The following HDAC4 variants were observed in gnomAD, a reference collection of about 807,000 sequenced individuals.
The protein encoded by HDAC4 is histone deacetylase A.
Under a neutral mutation model 135.1 loss-of-function variants are expected in HDAC4, and 16 were observed. The observed-to-expected ratio is 0.12, with a 90% CI of 0.08 to 0.18. HDAC4 has a LOEUF of 0.18. Among genes scored for constraint, HDAC4 ranks in the 10% least tolerant of loss-of-function variants. The probability of loss-of-function intolerance (pLI) is 1.00; values close to 1 mark genes in which losing one functional copy is unlikely to be tolerated. For synonymous variants in HDAC4, 685 were observed against 653.4 expected, an observed-to-expected ratio of 1.05 and a Z score of -0.74; for missense variants, 1,143 against 1,511.8, an observed-to-expected ratio of 0.76 and a Z score of 4.05.
At chr2:239,140,948 A>C (rs761636487) in intron 8 of HDAC4, 1 of 454,288 alleles carries the variant, frequency 2.2e-6, no homozygotes, top group Non-Finnish European at 4.6e-6. Context: ...GAGGATGAGG[A>C]GGGTGGGGGA....
intron 3 of HDAC4, among the ~76,000 whole-genome samples, chr2:239,201,759 C>T (rs1198055032): frequency 6.6e-6 from 1 of 152,244 alleles, no homozygotes. Flanking sequence ...ATTCCTGAAA[C>T]AGTATTTTCA....
chr2:239,096,376 C>G (rs549099061), intron 16 of HDAC4, among the ~76,000 whole-genome samples: 1 of 133,202 alleles, frequency 7.5e-6, no homozygotes, highest in Non-Finnish European at 1.6e-5. Context: ...TGCAACCCCC[C>G]CCGACACCTG....
At chr2:239,230,337 T>G (rs2047470527) in intron 3 of HDAC4, among the ~76,000 whole-genome samples, 1 of 137,438 alleles carries the variant, frequency 7.3e-6, no homozygotes, top group Non-Finnish European at 1.5e-5. Flanking sequence ...CACTTCATTT[T>G]ACCTCTAAAA....
intron 22 of HDAC4, among the ~76,000 whole-genome samples, chr2:239,076,961 C>T (rs1412523696): frequency 6.6e-6 from 1 of 152,164 alleles, no homozygotes; most frequent in Non-Finnish European, 1.5e-5. Flanking sequence ...TCAGCCCCTA[C>T]TCCCCTCAAT....
intron 15 of HDAC4, among the ~76,000 whole-genome samples, chr2:239,103,158 A>G (rs1180160136): frequency 6.6e-6 from 1 of 152,240 alleles, no homozygotes; most frequent in African/African-American, 2.4e-5. Context: ...CCTTCAATGC[A>G]TTACCCTTCA....
chr2:239,301,660 T>C (rs2052279777), intron 2 of HDAC4, among the ~76,000 whole-genome samples: 1 of 152,012 alleles, frequency 6.6e-6, no homozygotes, highest in South Asian at 2.1e-4. Flanking sequence ...TTTTTAATCT[T>C]TTCTGTAGAG....
intron 4 of HDAC4, among the ~76,000 whole-genome samples, chr2:239,188,602 C>T (rs1214974457): frequency 3.9e-5 from 6 of 152,206 alleles, no homozygotes; most frequent in Admixed American, 6.5e-5. Flanking sequence ...CCAACAGTTG[C>T]CACGAACCAC....
At chr2:239,106,026 C>A (rs1352635709) in intron 15 of HDAC4, among the ~76,000 whole-genome samples, 1 of 152,204 alleles carries the variant, frequency 6.6e-6, no homozygotes, top group African/African-American at 2.4e-5. Flanking sequence ...TGTCTCCCAG[C>A]CACCTGTCTT....
intron 9 of HDAC4, among the ~76,000 whole-genome samples, chr2:239,137,184 G>T (rs1378896492): frequency 6.6e-6 from 1 of 152,238 alleles, no homozygotes; most frequent in Non-Finnish European, 1.5e-5. Context: ...TGGTCCACCT[G>T]AGAAATCGCA....
At chr2:239,108,562 G>A (rs945213125) in intron 14 of HDAC4, among the ~76,000 whole-genome samples, 2 of 152,150 alleles carry the variant, frequency 1.3e-5, no homozygotes, top group Admixed American at 6.5e-5. Flanking sequence ...TGCTGGGGAG[G>A]ACGGTGCTGA....
At chr2:239,238,286 G>A (rs973616190) in intron 2 of HDAC4, among the ~76,000 whole-genome samples, 13 of 151,996 alleles carry the variant, frequency 8.6e-5, no homozygotes, top group African/African-American at 2.2e-4. Flanking sequence ...TAAAAAATTC[G>A]AAAAGGTGCC....
chr2:239,067,008 A>G lies in HDAC4; in HGVS notation c.2870-153T>C, dbSNP rs1174992782. ...GTTTCGTTTAATAAATTCGCTGAAG[A>G]GTTTCGGCTTTGGATTTCCTCTTTG... On this transcript the variant is annotated intron_variant, in intron 23 of 26. Coordinates refer to ENST00000543185, the MANE Select transcript of HDAC4 (RefSeq NM_001378414.1). 1.5e-5 allele frequency: 13 copies of G among 876,666 alleles called. No individual in the cohort carries two copies. In the East Asian group the frequency reaches 3.2e-4, roughly 22 times the overall value. 54.3% of individuals were successfully genotyped at this position (876,666 alleles called of 1,614,324 possible). A position where few individuals can be genotyped will look rare whatever the true frequency, so the allele number is the denominator to read the frequency against.
intron 1 of HDAC4, among the ~76,000 whole-genome samples, chr2:239,392,003 C>T (rs1278745795): frequency 1.3e-5 from 2 of 152,254 alleles, no homozygotes; most frequent in Non-Finnish European, 2.9e-5. Context: ...TGGTTGTGAA[C>T]TCCGAAGCCC....
rs1331015245 is a variant in HDAC4, at chr2:239,331,536, T to G, written c.22+21142A>C. Among the ~76,000 whole-genome samples the G allele has an allele frequency of 6.6e-6, 1 of 152,172 alleles. No homozygotes were observed. Among genetic ancestry groups the G allele is most frequent in the Non-Finnish European group, 1.5e-5 (1 of 68,040 alleles). ...GCAAGCCTGGAAAGCAAGCTGGGAC[T>G]CGTGAACTAAGCCGCCCAGATAGTG... is the stretch of plus-strand genomic sequence containing the variant. On this transcript the variant is annotated intron_variant, in intron 2 of 26. Coordinates refer to ENST00000543185, the MANE Select transcript of HDAC4 (RefSeq NM_001378414.1). The surrounding 1 kb of genome is among the most constrained non-coding windows in gnomAD (Gnocchi z 4.5).
chr2:239,118,450 AGAAAGCCAAACTC>A (rs2039336639), intron 12 of HDAC4, among the ~76,000 whole-genome samples: 1 of 152,204 alleles, frequency 6.6e-6, no homozygotes, highest in Non-Finnish European at 1.5e-5. Context: ...ACTCAGCTTC[AGAAAGCCAAACTC>A]GCAGGGAGGA....
chr2:239,168,856 A>G (rs963861009), intron 5 of HDAC4, among the ~76,000 whole-genome samples: 12 of 152,224 alleles, frequency 7.9e-5, no homozygotes, highest in Non-Finnish European at 1.5e-5. Flanking sequence ...TTTATTATTA[A>G]TAATAAAATC....
chr2:239,352,096 T>A lies in HDAC4; in HGVS notation c.22+582A>T, dbSNP rs1311912571. Among the ~76,000 whole-genome samples the A allele has an allele frequency of 1.3e-5, 2 of 152,242 alleles. No individual in the cohort carries two copies. Among genetic ancestry groups the A allele is most frequent in the Non-Finnish European group, 2.9e-5 (2 of 68,040 alleles). ...AGGACAAGCTTGCTTCCCAATCATG[T>A]GGGTCCCCCACCTACCAGCTCTGTG... On this transcript the variant is annotated intron_variant, in intron 2 of 26. Transcript: ENST00000543185. The surrounding 1 kb of genome is among the most constrained non-coding windows in gnomAD (Gnocchi z 4.4).
chr2:239,358,271 C>G (rs1693639560), intron 1 of HDAC4, among the ~76,000 whole-genome samples: 1 of 152,232 alleles, frequency 6.6e-6, no homozygotes, highest in Admixed American at 6.5e-5. Flanking sequence ...TGTGGACTCA[C>G]AGATAGTTAC....
chr2:239,275,533 C>G (rs1445623714), intron 2 of HDAC4, among the ~76,000 whole-genome samples: 1 of 152,142 alleles, frequency 6.6e-6, no homozygotes, highest in Non-Finnish European at 1.5e-5. Flanking sequence ...GACAGCAGAC[C>G]CTAACCCCAC....
Sources: allele counts gnomAD v4.1 joint callset (sites outside exome capture counted in the v4.1 genomes callset), GRCh38; gene constraint gnomAD v4.1.1; non-coding constraint Gnocchi (gnomAD v3.1); transcripts MANE v1.5; gene names NCBI Gene and HGNC (gene_info 2026-07-23, HGNC 2026-07-21).